Variants in NXN observed in about 807,000 individuals in gnomAD.
The protein encoded by NXN is nucleoredoxin 1.
Under a neutral mutation model 48.6 loss-of-function variants are expected in NXN, and 16 were observed. That is an observed-to-expected ratio of 0.33 (90% CI 0.22 to 0.50). The LOEUF (loss-of-function observed/expected upper bound fraction) is 0.50. Among genes scored for constraint, NXN ranks in the 20% least tolerant of loss-of-function variants. The pLI is 0.98. For synonymous variants in NXN, 281 were observed against 269.6 expected, an observed-to-expected ratio of 1.04 and a Z score of -0.41; for missense variants, 492 against 605.5, an observed-to-expected ratio of 0.81 and a Z score of 1.97.
chr17:870,671 G>A (rs556260442), intron 1 of NXN, among the ~76,000 whole-genome samples: 2 of 151,896 alleles, frequency 1.3e-5, no homozygotes, highest in South Asian at 4.2e-4. Flanking sequence ...GGGAGGACTG[G>A]TTAAGCCTGG....
intron 1 of NXN, among the ~76,000 whole-genome samples, chr17:844,501 C>T (rs781558856): frequency 7.9e-5 from 12 of 152,222 alleles, no homozygotes; most frequent in Non-Finnish European, 1.2e-4. Flanking sequence ...ATGAGGCGAT[C>T]GCATGTGAAG....
At position 977,501 on chromosome 17, in the gene NXN, C is replaced by T. The variant is rs181583113; in HGVS notation, c.360+1818G>A. ...TGTCCTATCAAATATTCTCCTTTTT[C>T]GGAAAAAGCTCTAAGCATTTGCAAA... On this transcript the variant is annotated intron_variant, in intron 1 of 7. Transcript: ENST00000336868. 3.1e-3 allele frequency among the ~76,000 whole-genome samples: 468 copies of T among 152,226 alleles called. 3 individuals carry two copies. Among genetic ancestry groups the T allele is most frequent in the African/African-American group, 9.2e-3 (384 of 41,540 alleles).
chr17:925,577 C>T (rs1386101481), intron 1 of NXN, among the ~76,000 whole-genome samples: 1 of 152,134 alleles, frequency 6.6e-6, no homozygotes, highest in African/African-American at 2.4e-5. Flanking sequence ...TTAGTAGAGA[C>T]GGGGTTTCAC....
rs1306423624 is a variant in NXN, at chr17:820,797, G to A, written c.714-1252C>T. ...AAATTAGCCGGGTGTGGTGGCCGGCGCCTGTAGTCCCAGCTACTCAGGAGG... is the reference window on the plus strand; with the variant it reads ...AAATTAGCCGGGTGTGGTGGCCGGCACCTGTAGTCCCAGCTACTCAGGAGG... On this transcript the variant is annotated intron_variant, in intron 4 of 7. Transcript: ENST00000336868. Among the ~76,000 whole-genome samples, 4 of 71,268 alleles carry A rather than the reference G, an allele frequency of 5.6e-5. 1 individual carries two copies. The highest frequency in any genetic ancestry group is 1.0e-4 in the Non-Finnish European group (4 of 39,634). 46.8% of individuals were successfully genotyped at this position (71,268 alleles called of 152,430 possible).
Position 800,261 on chromosome 17 carries a change from A to G in NXN, c.*688T>C, listed in dbSNP as rs2144548837. The stretch of plus-strand genomic sequence containing the variant: ...GGTGCTCCTCCTAGGACTCAGGGCT[A>G]AGTTTCTTGGGAAGATGTCCAAAGA... On this transcript the variant is annotated 3_prime_UTR_variant, in exon 8 of 8. Coordinates refer to ENST00000336868, the MANE Select transcript of NXN (RefSeq NM_022463.5). The G allele has an allele frequency of 6.6e-6, 1 of 152,456 alleles. No homozygotes were observed. Among genetic ancestry groups the G allele is most frequent in the South Asian group, 2.1e-4 (1 of 4,826 alleles). 9.4% of individuals were successfully genotyped at this position (152,456 alleles called of 1,614,324 possible). A position where few individuals can be genotyped will look rare whatever the true frequency, so the allele number is the denominator to read the frequency against.
intron 1 of NXN, among the ~76,000 whole-genome samples, chr17:942,216 T>C (rs62067244): frequency 0.1 from 12,260 of 118,078 alleles, 2 homozygotes; most frequent in Middle Eastern, 0.18. Flanking sequence ...GGATTTACAG[T>C]GAACAAGATT....
intron 4 of NXN, among the ~76,000 whole-genome samples, 183 bp from the exon 5 acceptor site, chr17:819,728 G>C (rs571940769): frequency 1.6e-4 from 25 of 152,280 alleles, no homozygotes; most frequent in Admixed American, 9.2e-4. Flanking sequence ...CCACCAAGAA[G>C]CAAATGCCTC....
intron 5 of NXN, among the ~76,000 whole-genome samples, chr17:813,049 G>C (rs890616437): frequency 1.3e-5 from 2 of 152,228 alleles, no homozygotes; most frequent in African/African-American, 4.8e-5. Flanking sequence ...GTGAGCGTGT[G>C]TGTGCGTGTG....
In NXN at chr17:958,946, CACACACACAT is replaced by C. The variant is rs1027613960; in HGVS notation, c.360+20363_360+20372del. 237 of 163,100 alleles carry C rather than the reference CACACACACAT, an allele frequency of 1.5e-3. No homozygotes were observed. The highest frequency in any genetic ancestry group is 5.5e-3 in the African/African-American group (229 of 41,626). The allele number at this position is 163,100 out of a possible 1,614,324, so 10.1% of individuals were successfully genotyped here. A position where few individuals can be genotyped will look rare whatever the true frequency, so the allele number is the denominator to read the frequency against. ...GACTTGTCTTTAAAAAAGAAACACA[CACACACACAT>C]ACACACACACACACACGATACGAGT... On this transcript the variant is annotated intron_variant, in intron 1 of 7. Coordinates refer to ENST00000336868, the MANE Select transcript of NXN (RefSeq NM_022463.5). The surrounding 1 kb of genome is among the most constrained non-coding windows in gnomAD (Gnocchi z 6.9).
In NXN at chr17:825,678, C is replaced by A. The variant is rs1280868060; in HGVS notation, c.478+283G>T. On this transcript the variant is annotated intron_variant, in intron 2 of 7. Transcript: ENST00000336868. The surrounding 1 kb of genome is among the most constrained non-coding windows in gnomAD (Gnocchi z 4.1). ...GGGGTCTGAGCTCTCCGCTTTCCCA[C>A]AGCCTCTGCGGCCCTCCAAGCGGAG... 1 of 332,784 alleles carries A rather than the reference C, an allele frequency of 3.0e-6. No homozygotes were observed. Among genetic ancestry groups the A allele is most frequent in the African/African-American group, 2.2e-5 (1 of 46,126 alleles). The allele number at this position is 332,784 out of a possible 1,614,324, so 20.6% of individuals were successfully genotyped here.
At position 810,119 on chromosome 17, in the gene NXN, G is replaced by T. The variant is rs1178473824; in HGVS notation, c.821-4872C>A. 3.1e-5 allele frequency among the ~76,000 whole-genome samples: 3 copies of T among 96,980 alleles called. No homozygotes were observed. In the East Asian group the frequency reaches 9.4e-4, roughly 31 times the overall value. The allele number at this position is 96,980 out of a possible 152,430, so 63.6% of individuals were successfully genotyped here. ...TGAGTGGCGTGCACGTTACGAGTCC[G>T]TGTGAGTGGCGTGCACGTTACGAGT... On this transcript the variant is annotated intron_variant, in intron 5 of 7. Transcript: ENST00000336868.
Position 821,669 on chromosome 17 carries a change from T to G in NXN, c.713+688A>C, listed in dbSNP as rs563091993. On this transcript the variant is annotated intron_variant, in intron 4 of 7. Transcript: ENST00000336868. ...GAGAGGCTGAGGCAGGAGAATGGCG[T>G]GAACCCGGGAGGTGGAGCTTGCAGT... Among the ~76,000 whole-genome samples, 44 of 86,928 alleles carry G rather than the reference T, an allele frequency of 5.1e-4. 9 individuals are homozygous for G. Among genetic ancestry groups the G allele is most frequent in the African/African-American group, 3.0e-3 (42 of 13,870 alleles). The allele number at this position is 86,928 out of a possible 152,430, so 57.0% of individuals were successfully genotyped here. A position where few individuals can be genotyped will look rare whatever the true frequency, so the allele number is the denominator to read the frequency against.
At position 920,934 on chromosome 17, in the gene NXN, G is replaced by A. The variant is rs2068744948; in HGVS notation, c.360+58385C>T. Among the ~76,000 whole-genome samples, 1 of 152,032 alleles carries A rather than the reference G, an allele frequency of 6.6e-6. No individual in the cohort carries two copies. Among genetic ancestry groups the A allele is most frequent in the African/African-American group, 2.4e-5 (1 of 41,406 alleles). ...GACGGGGTTTTGCCATGTTAGCCAGGCTGGTCTTGAACTCCTGACCTCAAG... is the reference window on the plus strand; with the variant it reads ...GACGGGGTTTTGCCATGTTAGCCAGACTGGTCTTGAACTCCTGACCTCAAG... On this transcript the variant is annotated intron_variant, in intron 1 of 7. Coordinates refer to ENST00000336868, the MANE Select transcript of NXN (RefSeq NM_022463.5). This position sits in a 1 kb window ranked among gnomAD's most constrained non-coding sequence, Gnocchi z 4.6.
intron 1 of NXN, among the ~76,000 whole-genome samples, chr17:915,250 G>A (rs2068676497): frequency 6.6e-6 from 1 of 151,916 alleles, no homozygotes; most frequent in Non-Finnish European, 1.5e-5. Flanking sequence ...GGATTTTATA[G>A]TTGAGAATAA....
At chr17:931,223 G>T (rs62067210) in intron 1 of NXN, among the ~76,000 whole-genome samples, 41,185 of 150,332 alleles carry the variant, frequency 0.27, 6,694 homozygotes, top group East Asian at 0.43. Context: ...GCAAGTCGAG[G>T]CTGCAGTGAG....
Position 958,796 on chromosome 17 carries a change from G to A in NXN, c.360+20523C>T, listed in dbSNP as rs2069201048. Among the ~76,000 whole-genome samples, 1 of 152,030 alleles carries A rather than the reference G, an allele frequency of 6.6e-6. No individual in the cohort carries two copies. The stretch of plus-strand genomic sequence containing the variant: ...AATAAAATAAAAATTAGCTGGGGAG[G>A]TGGTGAGCTCCTGTAGTCTCAGCTT... On this transcript the variant is annotated intron_variant, in intron 1 of 7. Coordinates refer to ENST00000336868, the MANE Select transcript of NXN (RefSeq NM_022463.5). This position sits in a 1 kb window ranked among gnomAD's most constrained non-coding sequence, Gnocchi z 6.9.
At chr17:805,455 C>T (rs755594588) in intron 5 of NXN, among the ~76,000 whole-genome samples, 11 of 152,290 alleles carry the variant, frequency 7.2e-5, no homozygotes, top group South Asian at 2.1e-4. Flanking sequence ...GGAACCCCCT[C>T]GGGTCAGCCT....
rs1019322907 is a variant in NXN, at chr17:957,578, G to C, written c.360+21741C>G. ...ACACGGGAGGTGTAGGTTGCAGTGA[G>C]CCAAGATCAAGCCACTGCACTCCAG... On this transcript the variant is annotated intron_variant, in intron 1 of 7. Transcript: ENST00000336868. Among the ~76,000 whole-genome samples the C allele has an allele frequency of 2.7e-5, 4 of 150,608 alleles. No homozygotes were observed. In the East Asian group the frequency reaches 7.8e-4, roughly 29 times the overall value.
rs114172858 is a variant in NXN at position 915,435 on chromosome 17, C to T, written c.360+63884G>A. On this transcript the variant is annotated intron_variant, in intron 1 of 7. Transcript: ENST00000336868. ...AGTAGCTGGGACTACGGGAGTGTGC[C>T]ATCACACCCAGCTAATTTTTGTATT... Among the ~76,000 whole-genome samples the T allele has an allele frequency of 3.7e-3, 565 of 152,222 alleles. 3 individuals carry two copies. Among genetic ancestry groups the T allele is most frequent in the African/African-American group, 0.013 (544 of 41,544 alleles).
Sources: gnomAD v4.1 joint callset for allele counts (sites outside exome capture counted in the v4.1 genomes callset) on GRCh38, gnomAD v4.1.1 for gene constraint, Gnocchi (gnomAD v3.1) non-coding constraint, MANE v1.5 for transcripts, NCBI Gene and HGNC (gene_info 2026-07-23, HGNC 2026-07-21) for gene names.